Variants in FTO observed in about 807,000 individuals in gnomAD.
The protein encoded by FTO is FTO alpha-ketoglutarate dependent dioxygenase.
In FTO, 47 loss-of-function variants were observed where a neutral mutation model predicts 63.9. The observed-to-expected ratio is 0.74, with a 90% CI of 0.58 to 0.94. The LOEUF (loss-of-function observed/expected upper bound fraction) is 0.94. FTO is among the 40% of genes least tolerant of loss of function. The probability of loss-of-function intolerance (pLI) is 0.00; values close to 1 mark genes in which losing one functional copy is unlikely to be tolerated. For missense variants in FTO, 562 were observed against 618.1 expected, an observed-to-expected ratio of 0.91 and a Z score of 0.96; for synonymous variants, 207 against 224.4, an observed-to-expected ratio of 0.92 and a Z score of 0.69.
At chr16:53,992,292 A>T (rs6499660) in intron 8 of FTO, 91,277 of 151,954 alleles carry the variant, frequency 0.6, 27,961 homozygotes, top group African/African-American at 0.69. Context: ...TGCTGCAGAA[A>T]TGGAAATAGA....
At chr16:53,777,863 C>CT (rs1567977758) in intron 1 of FTO, among the ~76,000 whole-genome samples, 1 of 152,062 alleles carries the variant, frequency 6.6e-6, no homozygotes, top group Non-Finnish European at 1.5e-5. Context: ...TACTCAAGTC[C>CT]GATTAACCAG....
In FTO at chr16:53,826,120, A is replaced by C. The variant is rs2078999580; in HGVS notation, c.380A>C (p.His127Pro). Residue 127 changes from histidine (H) to proline (P), a missense_variant, in exon 3 of 9, where the codon CAC (histidine) becomes CCC (proline). Coordinates refer to ENST00000471389, the MANE Select transcript of FTO (RefSeq NM_001080432.3). ...CCAGTGAAAGGGTCTAATATAAAAC[A>C]CACCGAGGCTGAAATAGCCGCTGCT... Reference protein sequence around the residue: ...PWPVKGSNIKHTEAEIAAACE... With the variant: ...PWPVKGSNIKPTEAEIAAACE... 6.2e-7 allele frequency: 1 copy of C among 1,614,052 alleles called. No individual in the cohort carries two copies. Among genetic ancestry groups the C allele is most frequent in the African/African-American group, 1.3e-5 (1 of 74,914 alleles).
intron 3 of FTO, among the ~76,000 whole-genome samples, chr16:53,840,793 G>A (rs899860844): frequency 2.0e-5 from 3 of 152,140 alleles, no homozygotes; most frequent in Non-Finnish European, 4.4e-5. Flanking sequence ...ACTAGCAAAG[G>A]TCACGTCCTT....
intron 3 of FTO, among the ~76,000 whole-genome samples, chr16:53,828,321 G>A (rs1250953918): frequency 2.6e-5 from 4 of 152,090 alleles, no homozygotes; most frequent in South Asian, 2.1e-4. Context: ...CCAGGTTCAC[G>A]CCATTCTTCT....
chr16:53,962,602 TC>T (rs2083107516), intron 8 of FTO, among the ~76,000 whole-genome samples: 1 of 152,226 alleles, frequency 6.6e-6, no homozygotes. Flanking sequence ...TAATGATGCG[TC>T]CTGCATAAGT....
At chr16:53,858,332 AG>A (rs1407952865) in intron 4 of FTO, among the ~76,000 whole-genome samples, 1 of 152,198 alleles carries the variant, frequency 6.6e-6, no homozygotes, top group Non-Finnish European at 1.5e-5. Context: ...TATGTTTTAA[AG>A]CTTCAAACGG....
chr16:53,768,527 C>A (rs139250782), intron 1 of FTO, among the ~76,000 whole-genome samples: 1 of 151,952 alleles, frequency 6.6e-6, no homozygotes, highest in Non-Finnish European at 1.5e-5. Context: ...AAGATGATGC[C>A]GGGGGATCTA....
rs1441218557 is a variant in FTO at position 53,886,024 on chromosome 16, G to A, written c.1120-2808G>A. ...CCTGCCATGGCCTCTTAAAGTGCTG[G>A]GATTATAGGTCAGAGCCCTTATTTT... On this transcript the variant is annotated intron_variant, in intron 6 of 8. Transcript: ENST00000471389. Among the ~76,000 whole-genome samples, 2 of 152,148 alleles carry A rather than the reference G, an allele frequency of 1.3e-5. 1 individual carries two copies. The highest frequency in any genetic ancestry group is 4.8e-5 in the African/African-American group (2 of 41,434).
intron 8 of FTO, among the ~76,000 whole-genome samples, chr16:53,964,732 T>C (rs1327211200): frequency 6.6e-6 from 1 of 152,258 alleles, no homozygotes; most frequent in Non-Finnish European, 1.5e-5. Context: ...CTTCATTATT[T>C]AAGTTTCATA....
At chr16:53,852,253 G>C (rs2079831233) in intron 4 of FTO, among the ~76,000 whole-genome samples, 1 of 151,834 alleles carries the variant, frequency 6.6e-6, no homozygotes, top group Admixed American at 6.6e-5. Flanking sequence ...TCCAGGCTGG[G>C]TGACAGAGCA....
intron 8 of FTO, among the ~76,000 whole-genome samples, chr16:54,105,771 C>CTGTGTGTGTGTGTG (rs57782663): frequency 1.4e-5 from 2 of 137,974 alleles, no homozygotes; most frequent in Non-Finnish European, 1.6e-5. Context: ...AAGTTCTAGT[C>CTGTGTGTGTGTGTG]TGTGTGTGTG....
At position 53,844,227 on chromosome 16, in the gene FTO, A is replaced by G; in HGVS notation, c.824A>G (p.Lys275Arg). The G allele has an allele frequency of 6.2e-7, 1 of 1,613,508 alleles. No individual in the cohort carries two copies. Among genetic ancestry groups the G allele is most frequent in the Non-Finnish European group, 8.5e-7 (1 of 1,179,448 alleles). ...CCTGATATTTGGCATGTTGGTTTTAAGATCTCATGGGACATAGAGACACCT... is the reference window on the plus strand; with the variant it reads ...CCTGATATTTGGCATGTTGGTTTTAGGATCTCATGGGACATAGAGACACCT... Reference protein sequence around the residue: ...RDPDIWHVGFKISWDIETPGL... With the variant: ...RDPDIWHVGFRISWDIETPGL... Residue 275 changes from lysine (K) to arginine (R), a missense_variant, in exon 4 of 9, where the codon AAG (lysine) becomes AGG (arginine). Transcript: ENST00000471389.
At chr16:54,099,672 G>A (rs1446635720) in intron 8 of FTO, among the ~76,000 whole-genome samples, 2 of 152,170 alleles carry the variant, frequency 1.3e-5, no homozygotes, top group Non-Finnish European at 2.9e-5. Context: ...TGAACTGGGG[G>A]ATAAAATTAT....
Position 54,112,199 on chromosome 16 carries a change from A to G in FTO, c.*284A>G. 1.4e-5 allele frequency: 6 copies of G among 436,386 alleles called. No homozygotes were observed. Among genetic ancestry groups the G allele is most frequent in the South Asian group, 1.3e-4 (6 of 47,002 alleles). 27.0% of individuals were successfully genotyped at this position (436,386 alleles called of 1,614,324 possible). On this transcript the variant is annotated 3_prime_UTR_variant, in exon 9 of 9. Transcript: ENST00000471389. ...GCCCCCAAGGTCCAGGGCAGGCGAC[A>G]GGAACGAGCCCAGCGTGTGACAAAG...
At chr16:53,755,368 C>T (rs779661648) in intron 1 of FTO, among the ~76,000 whole-genome samples, 23 of 152,092 alleles carry the variant, frequency 1.5e-4, no homozygotes, top group Non-Finnish European at 2.4e-4. Context: ...AGGCCTAGGA[C>T]TCTCCCTCCT....
intron 7 of FTO, among the ~76,000 whole-genome samples, chr16:53,930,499 A>G (rs1392788964): frequency 1.3e-5 from 2 of 152,134 alleles, no homozygotes; most frequent in Non-Finnish European, 2.9e-5. Context: ...CTGGGATTAC[A>G]GGCCTGAGCC....
chr16:53,931,608 G>A (rs942408779), intron 7 of FTO, among the ~76,000 whole-genome samples: 3 of 151,896 alleles, frequency 2.0e-5, no homozygotes, highest in South Asian at 2.1e-4. Context: ...GCACCTGGCC[G>A]ATAAAGTACT....
chr16:53,711,410 G>A (rs2075773981), intron 1 of FTO: 1 of 398,598 alleles, frequency 2.5e-6, no homozygotes, highest in Non-Finnish European at 4.4e-6. Context: ...CCAGGGTAAA[G>A]ATGGCAGACA....
At chr16:54,042,114 C>T (rs1202275505) in intron 8 of FTO, among the ~76,000 whole-genome samples, 3 of 152,014 alleles carry the variant, frequency 2.0e-5, no homozygotes, top group Non-Finnish European at 4.4e-5. Context: ...CCAAGATGGC[C>T]GAATAGGAAC....
Sources: gnomAD v4.1 joint callset for allele counts (sites outside exome capture counted in the v4.1 genomes callset) on GRCh38, gnomAD v4.1.1 for gene constraint, MANE v1.5 for transcripts, NCBI Gene and HGNC (gene_info 2026-07-23, HGNC 2026-07-21) for gene names.